Variants in FSHR observed in about 807,000 individuals in gnomAD.
FSHR encodes follicle stimulating hormone receptor, also known as follicle-stimulating hormone receptor.
Under a neutral mutation model 52.1 loss-of-function variants are expected in FSHR, and 46 were observed. The ratio of observed to expected loss-of-function variants is 0.88; its 90% CI spans 0.70 to 1.13. FSHR has a LOEUF of 1.13. Among genes scored for constraint, FSHR ranks in the 50% most tolerant of loss-of-function variants. FSHR has a pLI of 0.00. For missense variants in FSHR, 964 were observed against 834.6 expected (o/e 1.16, Z -1.91); for synonymous variants, 399 against 309.6 (o/e 1.29, Z -3.03).
intron 1 of FSHR, among the ~76,000 whole-genome samples, chr2:49,137,421 C>T (rs1426907953): frequency 6.6e-6 from 1 of 152,082 alleles, no homozygotes; most frequent in Non-Finnish European, 1.5e-5. Flanking sequence ...ACTCCCTAAA[C>T]TAGTCTATAG....
chr2:48,977,266 C>CA, intron 8 of FSHR, among the ~76,000 whole-genome samples: 1 of 152,174 alleles, frequency 6.6e-6, no homozygotes, highest in Admixed American at 6.5e-5. Flanking sequence ...TTATTCTGGG[C>CA]AATCATACTT....
intron 1 of FSHR, among the ~76,000 whole-genome samples, chr2:49,076,818 G>T (rs1032055992): frequency 6.6e-6 from 1 of 152,210 alleles, no homozygotes; most frequent in African/African-American, 2.4e-5. Context: ...TTGGCCAACC[G>T]ATGCAGGGTT....
At chr2:49,075,862 A>C (rs151195475) in intron 1 of FSHR, among the ~76,000 whole-genome samples, 1 of 151,710 alleles carries the variant, frequency 6.6e-6, no homozygotes, top group East Asian at 1.9e-4. Flanking sequence ...CTGGTCTTCA[A>C]CTCCTTGGCT....
rs1672877101 is a variant in FSHR, at chr2:49,146,513, G to A, written c.152+7753C>T. On this transcript the variant is annotated intron_variant, in intron 1 of 9. Transcript: ENST00000406846. ...CAAGTTGAAAATATCAAGAGAAAGAGATGTTTGTGTGGGGTTTTTCCATGC... is the reference window on the plus strand; with the variant it reads ...CAAGTTGAAAATATCAAGAGAAAGAAATGTTTGTGTGGGGTTTTTCCATGC... Among the ~76,000 whole-genome samples the A allele has an allele frequency of 5.3e-5, 8 of 152,010 alleles. 1 individual carries two copies. The South Asian group carries it at 1.7e-3, about 31-fold the overall frequency.
chr2:49,026,006 C>T (rs1030462701), intron 2 of FSHR, among the ~76,000 whole-genome samples: 4 of 152,186 alleles, frequency 2.6e-5, no homozygotes, highest in African/African-American at 7.2e-5. Flanking sequence ...CCACAAGGCT[C>T]CTTTTACCTC....
At chr2:48,977,980 C>T (rs1221076404) in intron 8 of FSHR, among the ~76,000 whole-genome samples, 1 of 152,154 alleles carries the variant, frequency 6.6e-6, no homozygotes, top group African/African-American at 2.4e-5. Context: ...CGTTGCAACA[C>T]ATGCTATATT....
chr2:48,962,880 A>C lies in FSHR; in HGVS notation c.1941T>G (p.Tyr647Ter), dbSNP rs763964308. 1.2e-6 allele frequency: 2 copies of C among 1,614,196 alleles called. No homozygotes were observed. Among genetic ancestry groups the C allele is most frequent in the Non-Finnish European group, 1.7e-6 (2 of 1,180,032 alleles). Reference sequence around the variant, plus strand: ...TCCTATAAATTTGGGCTTGCATTTCATAGCAGCCACACTTGCTCAGCAGAA... The same window carrying C: ...TCCTATAAATTTGGGCTTGCATTTCCTAGCAGCCACACTTGCTCAGCAGAA... ...FFILLSKCGC[Y>*]EMQAQIYRTE... The change falls in exon 10 of 10, where the codon TAT becomes TAG. Residue 647 changes from tyrosine to a stop codon, truncating the protein, a stop_gained. Transcript: ENST00000406846. LOFTEE classifies it high-confidence loss of function.
chr2:48,982,697 G>A (rs1450006424), intron 8 of FSHR, among the ~76,000 whole-genome samples: 5 of 152,212 alleles, frequency 3.3e-5, no homozygotes, highest in African/African-American at 1.2e-4. Context: ...CTCTGTACGT[G>A]CTCATTACAT....
At chr2:49,102,661 TAGAA>T (rs1671076430) in intron 1 of FSHR, among the ~76,000 whole-genome samples, 1 of 152,102 alleles carries the variant, frequency 6.6e-6, no homozygotes, top group Non-Finnish European at 1.5e-5. Flanking sequence ...GTCCAGTAAA[TAGAA>T]AGTCAATTTT....
chr2:49,042,081 G>A (rs1292901689), intron 2 of FSHR, among the ~76,000 whole-genome samples: 1 of 152,134 alleles, frequency 6.6e-6, no homozygotes, highest in Non-Finnish European at 1.5e-5. Context: ...GGATGTTGGG[G>A]CTACAGTGAG....
At chr2:48,972,825 G>T (rs576636094) in intron 8 of FSHR, among the ~76,000 whole-genome samples, 4 of 152,206 alleles carry the variant, frequency 2.6e-5, no homozygotes, top group South Asian at 2.1e-4. Context: ...TACAAAGCAG[G>T]TTATTTTTCT....
intron 1 of FSHR, among the ~76,000 whole-genome samples, chr2:49,133,958 A>G (rs182399993): frequency 1.3e-5 from 2 of 152,346 alleles, no homozygotes; most frequent in East Asian, 3.9e-4. Flanking sequence ...TGTAAAACCT[A>G]AAAACCCTAG....
intron 1 of FSHR, among the ~76,000 whole-genome samples, chr2:49,082,846 G>T (rs1212020510): frequency 2.6e-5 from 4 of 152,144 alleles, no homozygotes; most frequent in Admixed American, 2.0e-4. Context: ...GGGACTATGT[G>T]AAAACACCAA....
intron 2 of FSHR, among the ~76,000 whole-genome samples, chr2:49,040,913 G>T (rs1017472202): frequency 6.6e-6 from 1 of 152,134 alleles, no homozygotes; most frequent in African/African-American, 2.4e-5. Context: ...AAGAAGCATT[G>T]ATTGATTTAC....
chr2:49,003,411 T>C (rs1426344663), intron 4 of FSHR, among the ~76,000 whole-genome samples: 1 of 152,104 alleles, frequency 6.6e-6, no homozygotes, highest in African/African-American at 2.4e-5. Context: ...CTTTGTGGTT[T>C]CCCCGTCCTG....
chr2:48,975,368 C>A (rs1674939760), intron 8 of FSHR, among the ~76,000 whole-genome samples: 1 of 151,998 alleles, frequency 6.6e-6, no homozygotes, highest in Non-Finnish European at 1.5e-5. Flanking sequence ...GGTTCTCAGG[C>A]CTCTTCCCAA....
At chr2:48,978,434 G>C (rs79312758) in intron 8 of FSHR, among the ~76,000 whole-genome samples, 4,367 of 152,312 alleles carry the variant, frequency 0.029, 184 homozygotes, top group African/African-American at 0.098. Flanking sequence ...TAATGGAAGA[G>C]AACCATTCTT....
intron 1 of FSHR, among the ~76,000 whole-genome samples, chr2:49,074,338 C>T (rs968521605): frequency 1.3e-5 from 2 of 151,996 alleles, no homozygotes; most frequent in African/African-American, 4.8e-5. Flanking sequence ...CAACAAATCA[C>T]CACCAACAAA....
intron 1 of FSHR, among the ~76,000 whole-genome samples, chr2:49,144,371 G>A (rs139774722): frequency 2.0e-5 from 3 of 152,046 alleles, no homozygotes; most frequent in Non-Finnish European, 4.4e-5. Context: ...TTTCCTATCT[G>A]ACTAGCATAA....
Sources: gnomAD v4.1 joint callset for allele counts (sites outside exome capture counted in the v4.1 genomes callset) on GRCh38, gnomAD v4.1.1 for gene constraint, MANE v1.5 for transcripts, NCBI Gene and HGNC (gene_info 2026-07-23, HGNC 2026-07-21) for gene names.